Variants in MTMR8 observed in about 807,000 individuals in gnomAD.
MTMR8 encodes myotubularin related protein 8, also known as phosphatidylinositol-3,5-bisphosphate 3-phosphatase MTMR8.
Under a neutral mutation model 39.3 loss-of-function variants are expected in MTMR8, and 65 were observed. The observed-to-expected ratio is 1.65, with a 90% CI of 1.35 to 2.03. The LOEUF is 2.03. Among genes scored for constraint, MTMR8 ranks in the 30% most tolerant of loss-of-function variants. MTMR8 has a pLI of 0.00. For synonymous variants in MTMR8, 245 were observed against 185.2 expected (o/e 1.32, Z -2.62); for missense variants, 777 against 538.9 (o/e 1.44, Z -4.37).
intron 12 of MTMR8, among the ~76,000 whole-genome samples, chrX:64,302,997 T>A (rs1171262043): frequency 8.9e-6 from 1 of 112,362 alleles, no homozygotes; most frequent in Non-Finnish European, 1.9e-5. Context: ...CTGTGAAGGA[T>A]TTTCCCAGGT....
chrX:64,306,337 C>T, intron 12 of MTMR8: 2 of 279,373 alleles, frequency 7.2e-6, no homozygotes, highest in Non-Finnish European at 1.5e-5. Context: ...TTTGTCAAAG[C>T]CCATGCAGCT....
intron 12 of MTMR8, among the ~76,000 whole-genome samples, chrX:64,322,281 G>A (rs749830336): frequency 2.7e-5 from 3 of 111,038 alleles, no homozygotes; most frequent in East Asian, 2.8e-4. Flanking sequence ...ACAGGTGTGA[G>A]CCACCATGAC....
At chrX:64,342,301 G>A (rs1252888938) in intron 8 of MTMR8, among the ~76,000 whole-genome samples, 1 of 112,446 alleles carries the variant, frequency 8.9e-6, no homozygotes, top group Non-Finnish European at 1.9e-5. Context: ...CACTTTTGAA[G>A]CAGAACACAT....
Position 64,376,861 on chromosome X carries a change from G to A in MTMR8, c.25-17334C>T, listed in dbSNP as rs777644033. Among the ~76,000 whole-genome samples the A allele has an allele frequency of 2.7e-5, 3 of 112,096 alleles. No individual in the cohort carries two copies. The South Asian group carries it at 1.1e-3, about 42-fold the overall frequency. On this transcript the variant is annotated intron_variant, in intron 1 of 13. Coordinates refer to ENST00000374852, the MANE Select transcript of MTMR8 (RefSeq NM_017677.4). ...AGCCCCTCCCATCACAGGCCCGGAG[G>A]CCCAGGAGTGAATCAAGGTTTTGTG...
At chrX:64,331,226 G>A (rs182809260) in intron 11 of MTMR8, among the ~76,000 whole-genome samples, 1 of 111,982 alleles carries the variant, frequency 8.9e-6, no homozygotes, top group African/African-American at 3.2e-5. Flanking sequence ...TGTAATCTCT[G>A]ATATGAGTGA....
At chrX:64,291,919 C>T (rs1334248767) in intron 12 of MTMR8, among the ~76,000 whole-genome samples, 1 of 111,455 alleles carries the variant, frequency 9.0e-6, no homozygotes, top group Admixed American at 9.6e-5. Flanking sequence ...GGAAGGTCAG[C>T]CTGATCACCT....
chrX:64,276,541 A>C (rs935878235), intron 12 of MTMR8, among the ~76,000 whole-genome samples: 3 of 111,843 alleles, frequency 2.7e-5, no homozygotes, highest in Non-Finnish European at 5.6e-5. Flanking sequence ...TTAATTACCC[A>C]GTAGTCATTC....
At chrX:64,382,618 T>A (rs1186237214) in intron 1 of MTMR8, among the ~76,000 whole-genome samples, 1 of 111,505 alleles carries the variant, frequency 9.0e-6, no homozygotes, top group Non-Finnish European at 1.9e-5. Flanking sequence ...CTGATTGCTC[T>A]GGTCAGAACT....
chrX:64,355,449 A>C (rs1017642735), intron 3 of MTMR8, among the ~76,000 whole-genome samples: 1 of 111,646 alleles, frequency 9.0e-6, no homozygotes, highest in Non-Finnish European at 1.9e-5. Context: ...CCAATCAAAT[A>C]ACTCATTTGA....
At chrX:64,306,517 T>C (rs1330789918) in intron 12 of MTMR8, 1 of 140,825 alleles carries the variant, frequency 7.1e-6, no homozygotes, top group African/African-American at 3.2e-5. Flanking sequence ...TTTTGAATAA[T>C]AGCTACTAGA....
At chrX:64,294,841 C>A (rs999858890) in intron 12 of MTMR8, among the ~76,000 whole-genome samples, 11 of 111,555 alleles carry the variant, frequency 9.9e-5, no homozygotes, top group Non-Finnish European at 2.1e-4. Flanking sequence ...TCTCCTAATA[C>A]CATCACATTG....
intron 5 of MTMR8, among the ~76,000 whole-genome samples, 185 bp from the exon 6 acceptor site, chrX:64,348,979 C>T (rs73524722): frequency 0.084 from 9,309 of 111,205 alleles, 1,022 homozygotes; most frequent in African/African-American, 0.29. Context: ...TCCTGCCTAC[C>T]CTGGGCATGT....
chrX:64,368,169 T>G (rs1022288633), intron 1 of MTMR8, among the ~76,000 whole-genome samples: 2 of 111,280 alleles, frequency 1.8e-5, no homozygotes, highest in Non-Finnish European at 3.8e-5. Flanking sequence ...ATCGTGAAAA[T>G]GGCCATACTG....
At chrX:64,394,974 A>G (rs1355875669) in intron 1 of MTMR8, among the ~76,000 whole-genome samples, 9 of 112,358 alleles carry the variant, frequency 8.0e-5, no homozygotes, top group Non-Finnish European at 1.3e-4. Context: ...AATGTGGGGT[A>G]TTCGCGAATG....
chrX:64,352,984 A>G (rs1363378986), intron 4 of MTMR8, among the ~76,000 whole-genome samples: 1 of 111,770 alleles, frequency 8.9e-6, no homozygotes, highest in African/African-American at 3.3e-5. Context: ...GAAGCGCTTT[A>G]TGATATGGCT....
At chrX:64,308,008 G>T (rs1922175269) in intron 12 of MTMR8, among the ~76,000 whole-genome samples, 2 of 111,792 alleles carry the variant, frequency 1.8e-5, no homozygotes, top group Non-Finnish European at 3.8e-5. Context: ...TGAAGCACAA[G>T]TGATTTATGT....
intron 1 of MTMR8, among the ~76,000 whole-genome samples, chrX:64,364,150 C>G (rs1341866750): frequency 1.8e-5 from 2 of 112,636 alleles, no homozygotes; most frequent in Non-Finnish European, 3.8e-5. Flanking sequence ...GAGCCCAACT[C>G]TGGGGCAGGG....
intron 12 of MTMR8, among the ~76,000 whole-genome samples, chrX:64,283,871 G>A (rs954521843): frequency 8.9e-6 from 1 of 111,890 alleles, no homozygotes; most frequent in African/African-American, 3.3e-5. Flanking sequence ...ACAAAGATGG[G>A]GAAAAAACAG....
At chrX:64,322,903 G>A (rs1480124119) in intron 12 of MTMR8, among the ~76,000 whole-genome samples, 1 of 112,811 alleles carries the variant, frequency 8.9e-6, no homozygotes, top group African/African-American at 3.2e-5. Context: ...TCTGTCCCTA[G>A]AGGAATAGGT....
Sources: gnomAD v4.1 joint callset for allele counts (sites outside exome capture counted in the v4.1 genomes callset) on GRCh38, gnomAD v4.1.1 for gene constraint, MANE v1.5 for transcripts, NCBI Gene and HGNC (gene_info 2026-07-23, HGNC 2026-07-21) for gene names.